ATOSA: variants seen among roughly 807,000 people sequenced by gnomAD.
ATOSA encodes atos homolog protein A.
the ATOSA span, among the ~76,000 whole-genome samples, chr15:52,587,904 T>C: frequency 1.3e-5 from 2 of 152,250 alleles, no homozygotes; most frequent in Non-Finnish European, 2.9e-5. Context: ...TGTGTCTTAA[T>C]CTGGATATTA....
the ATOSA span, chr15:52,600,319 C>T: frequency 3.8e-6 from 3 of 788,998 alleles, no homozygotes; most frequent in South Asian, 3.4e-5. Context: ...CACTCTGTCA[C>T]CCAGGCGGGA....
the ATOSA span, chr15:52,610,147 G>T: frequency 6.2e-7 from 1 of 1,613,988 alleles, no homozygotes; most frequent in Non-Finnish European, 8.5e-7. Context: ...ACATTGTTCT[G>T]CTTCATTTGG....
At chr15:52,641,862 G>T in the ATOSA span, among the ~76,000 whole-genome samples, 7,118 of 152,232 alleles carry the variant, frequency 0.047, 305 homozygotes, top group East Asian at 0.23. Flanking sequence ...CTTTGATAAA[G>T]ATAACAATCA....
At chr15:52,596,372 G>C in the ATOSA span, among the ~76,000 whole-genome samples, 3 of 152,146 alleles carry the variant, frequency 2.0e-5, no homozygotes, top group Non-Finnish European at 4.4e-5. Flanking sequence ...AAGCAATTCT[G>C]AGAAAGAACA....
the ATOSA span, among the ~76,000 whole-genome samples, chr15:52,635,097 A>G: frequency 6.6e-6 from 1 of 152,236 alleles, no homozygotes; most frequent in Non-Finnish European, 1.5e-5. Context: ...CCAAGGGCGT[A>G]TAACAGCCCT....
the ATOSA span, among the ~76,000 whole-genome samples, chr15:52,595,208 T>C: frequency 1.3e-5 from 2 of 152,240 alleles, no homozygotes; most frequent in African/African-American, 4.8e-5. Context: ...GCAACTTCTA[T>C]TACAATGCTA....
At chr15:52,585,078 T>C in the ATOSA span, 1 of 620,838 alleles carries the variant, frequency 1.6e-6, no homozygotes, top group Non-Finnish European at 2.6e-6. Flanking sequence ...TTTCAAGGAC[T>C]AAAATTAACA....
chr15:52,703,214 A>G, the ATOSA span, among the ~76,000 whole-genome samples: 1 of 152,214 alleles, frequency 6.6e-6, no homozygotes, highest in Non-Finnish European at 1.5e-5. Context: ...CCAAAATAAC[A>G]AAAAGCAAAT....
chr15:52,704,551 T>C, the ATOSA span, among the ~76,000 whole-genome samples: 1 of 151,960 alleles, frequency 6.6e-6, no homozygotes, highest in Non-Finnish European at 1.5e-5. Context: ...AAAGAAACTA[T>C]CATCAGAGTA....
chr15:52,641,477 G>A, the ATOSA span, among the ~76,000 whole-genome samples: 5 of 152,170 alleles, frequency 3.3e-5, no homozygotes, highest in East Asian at 5.8e-4. Flanking sequence ...GCAGAAAACT[G>A]TCAATTCTAA....
chr15:52,612,469 C>G, the ATOSA span, among the ~76,000 whole-genome samples: 14 of 150,816 alleles, frequency 9.3e-5, 1 homozygote, highest in Admixed American at 8.6e-4. Context: ...ATATTAAAAA[C>G]TCATTTTCAT....
At chr15:52,621,008 T>C in the ATOSA span, among the ~76,000 whole-genome samples, 8 of 152,276 alleles carry the variant, frequency 5.3e-5, no homozygotes, top group African/African-American at 1.9e-4. Flanking sequence ...TGAATAAAAA[T>C]TCTCCTTCTA....
chr15:52,608,946 A>G, the ATOSA span: 3 of 1,608,994 alleles, frequency 1.9e-6, no homozygotes, highest in Non-Finnish European at 2.5e-6. Flanking sequence ...TTTTTTCCTT[A>G]TACTTATTTG....
At chr15:52,693,896 A>G in the ATOSA span, among the ~76,000 whole-genome samples, 18 of 152,292 alleles carry the variant, frequency 1.2e-4, no homozygotes, top group African/African-American at 4.3e-4. Context: ...GTAGAAGACA[A>G]TAGTTGAGTG....
the ATOSA span, chr15:52,608,936 T>C: frequency 6.2e-7 from 1 of 1,606,974 alleles, no homozygotes; most frequent in Non-Finnish European, 8.5e-7. Flanking sequence ...TCATTTATTA[T>C]TTTTTCCTTA....
At chr15:52,676,157 C>CA in the ATOSA span, among the ~76,000 whole-genome samples, 1 of 152,046 alleles carries the variant, frequency 6.6e-6, no homozygotes, top group African/African-American at 2.4e-5. Flanking sequence ...CTCCACATAT[C>CA]ATGATTACAA....
At chr15:52,660,522 C>T in the ATOSA span, among the ~76,000 whole-genome samples, 1 of 152,236 alleles carries the variant, frequency 6.6e-6, no homozygotes, top group East Asian at 1.9e-4. Flanking sequence ...CTCACTTAGT[C>T]ACTCTCTTAG....
chr15:52,640,178 A>G, the ATOSA span, among the ~76,000 whole-genome samples: 2 of 152,214 alleles, frequency 1.3e-5, no homozygotes, highest in African/African-American at 4.8e-5. Flanking sequence ...GGCCCATTGT[A>G]CATGTAATAG....
At chr15:52,623,088 G>A in the ATOSA span, among the ~76,000 whole-genome samples, 1 of 151,904 alleles carries the variant, frequency 6.6e-6, no homozygotes, top group Non-Finnish European at 1.5e-5. Flanking sequence ...GAGCCCAGGA[G>A]TTCAAGGTTG....
Sources: allele counts gnomAD v4.1 joint callset (sites outside exome capture counted in the v4.1 genomes callset), GRCh38; gene constraint gnomAD v4.1.1; transcripts MANE v1.5; gene names NCBI Gene and HGNC (gene_info 2026-07-23, HGNC 2026-07-21).